The following FBXL5 variants were observed in gnomAD, a reference collection of about 807,000 sequenced individuals.
The protein encoded by FBXL5 is F-box/LRR-repeat protein 5.
FBXL5 carries 26 observed loss-of-function variants against 78.3 expected under a neutral mutation model. That is an observed-to-expected ratio of 0.33 (90% CI 0.24 to 0.46). The LOEUF is 0.46. Ranked by LOEUF, FBXL5 falls within the 20% of genes least tolerant of loss-of-function variation. The probability of loss-of-function intolerance (pLI) is 1.00; values close to 1 mark genes in which losing one functional copy is unlikely to be tolerated. For synonymous variants in FBXL5, 295 were observed against 282.5 expected, an observed-to-expected ratio of 1.04 and a Z score of -0.45; for missense variants, 710 against 829.2, an observed-to-expected ratio of 0.86 and a Z score of 1.77.
chr4:15,655,510 C>A, upstream of FBXL5: 1 of 373,744 alleles, frequency 2.7e-6, no homozygotes, highest in African/African-American at 2.2e-5. Context: ...CGGCTTCTGC[C>A]TCCCGCCCCC....
At chr4:15,606,034 A>T (rs1721864530) in intron 10 of FBXL5, among the ~76,000 whole-genome samples, 1 of 152,218 alleles carries the variant, frequency 6.6e-6, no homozygotes, top group African/African-American at 2.4e-5. Context: ...GGAAAAAAAT[A>T]ATTTTTAGCA....
chr4:15,638,545 C>T lies in FBXL5; in HGVS notation c.546G>A (p.Lys182=), dbSNP rs3182730. The part of the protein sequence containing the change: ...SLWNHAEERQ[K]FFKYSVDEKS... Reference sequence around the variant, plus strand: ...TTTCATCCACGGAATATTTAAAAAACTTCTGTCGCTCTTCAGCATGATTCC... The same window carrying T: ...TTTCATCCACGGAATATTTAAAAAATTTCTGTCGCTCTTCAGCATGATTCC... The change falls in exon 4 of 11, where the codon AAG becomes AAA. Residue 182 remains lysine (K), a synonymous_variant. Coordinates refer to ENST00000341285, the MANE Select transcript of FBXL5 (RefSeq NM_012161.4). 0.14 allele frequency: 221,416 copies of T among 1,595,100 alleles called. 16,411 individuals are homozygous for T. The highest frequency in any genetic ancestry group is 0.15 in the Non-Finnish European group (176,127 of 1,174,142).
At chr4:15,675,075 G>T (rs544773043) in intron 1 of FBXL5, among the ~76,000 whole-genome samples, 2 of 152,118 alleles carry the variant, frequency 1.3e-5, no homozygotes, top group Non-Finnish European at 2.9e-5. Context: ...AACACTTTAT[G>T]CATCAAAACA....
intron 8 of FBXL5, among the ~76,000 whole-genome samples, chr4:15,626,188 C>T (rs1442906334): frequency 1.3e-5 from 2 of 152,074 alleles, no homozygotes; most frequent in Admixed American, 6.5e-5. Flanking sequence ...GTATTCCTAA[C>T]CTAACAGAAG....
At chr4:15,640,014 T>G (rs1479738125) in intron 3 of FBXL5, among the ~76,000 whole-genome samples, 1 of 152,110 alleles carries the variant, frequency 6.6e-6, no homozygotes, top group Non-Finnish European at 1.5e-5. Context: ...CCCTAATACA[T>G]GTACAGTAGG....
At chr4:15,611,144 A>C (rs1722229389) in intron 10 of FBXL5, among the ~76,000 whole-genome samples, 1 of 152,098 alleles carries the variant, frequency 6.6e-6, no homozygotes. Context: ...ACAGAAAACA[A>C]AGAAATGTCC....
At chr4:15,609,519 CTG>C (rs1047059078) in intron 10 of FBXL5, among the ~76,000 whole-genome samples, 17 of 152,120 alleles carry the variant, frequency 1.1e-4, no homozygotes, top group African/African-American at 3.9e-4. Context: ...TCATCTGAGA[CTG>C]TGTCACCTCC....
In FBXL5 at chr4:15,612,462, T is replaced by C. The variant is rs201402786; in HGVS notation, c.1851-48A>G. The C allele has an allele frequency of 1.6e-4, 246 of 1,517,634 alleles. No homozygotes were observed. The African/African-American group carries it at 3.6e-3, about 22-fold the overall frequency. 94.0% of individuals were successfully genotyped at this position (1,517,634 alleles called of 1,614,324 possible). A position where few individuals can be genotyped will look rare whatever the true frequency, so the allele number is the denominator to read the frequency against. On this transcript the variant is annotated intron_variant, in intron 9 of 10. Coordinates refer to ENST00000341285, the MANE Select transcript of FBXL5 (RefSeq NM_012161.4). ...ATTAGAAGATACTAATCTATAAAAA[T>C]GTTTGTATTCCTATGGTTCACTGAA...
At position 15,655,132 on chromosome 4, in the gene FBXL5, C is replaced by T. The variant is rs1244554653; in HGVS notation, c.84+72G>A. 47 of 1,219,342 alleles carry T rather than the reference C, an allele frequency of 3.9e-5. No individual in the cohort carries two copies. The East Asian group carries it at 1.8e-3, about 47-fold the overall frequency. The allele number at this position is 1,219,342 out of a possible 1,614,324, so 75.5% of individuals were successfully genotyped here. A position where few individuals can be genotyped will look rare whatever the true frequency, so the allele number is the denominator to read the frequency against. Reference sequence around the variant, plus strand: ...GCTGCGGGCGCGGCGCAGGCCAGGCCGCCCCAAGAACCCAGCCCGCTCCCC... The same window carrying T: ...GCTGCGGGCGCGGCGCAGGCCAGGCTGCCCCAAGAACCCAGCCCGCTCCCC... On this transcript the variant is annotated intron_variant, in intron 1 of 10. Transcript: ENST00000341285.
intron 1 of FBXL5, among the ~76,000 whole-genome samples, chr4:15,645,122 C>G (rs1715232147): frequency 6.6e-6 from 1 of 151,906 alleles, no homozygotes; most frequent in Non-Finnish European, 1.5e-5. Flanking sequence ...CTACTAACAC[C>G]ATACCTCCTA....
At chr4:15,640,085 G>A (rs191390550) in intron 3 of FBXL5, among the ~76,000 whole-genome samples, 2 of 152,228 alleles carry the variant, frequency 1.3e-5, no homozygotes, top group African/African-American at 4.8e-5. Flanking sequence ...CTGTCACCCA[G>A]GCTGAAGTGC....
chr4:15,659,655 T>C (rs147086764), upstream of FBXL5: 1 of 752,624 alleles, frequency 1.3e-6, no homozygotes, highest in Non-Finnish European at 1.6e-6. Flanking sequence ...TAGTGGTCCA[T>C]AAAGTTTCCT....
At chr4:15,652,687 T>C (rs1716248699) in intron 1 of FBXL5, among the ~76,000 whole-genome samples, 1 of 152,196 alleles carries the variant, frequency 6.6e-6, no homozygotes, top group African/African-American at 2.4e-5. Flanking sequence ...AGCATATAAG[T>C]GGTTTACTTG....
At position 15,644,745 on chromosome 4, in the gene FBXL5, C is replaced by T. The variant is rs186821808; in HGVS notation, c.85-37G>A. On this transcript the variant is annotated intron_variant, in intron 1 of 10. Coordinates refer to ENST00000341285, the MANE Select transcript of FBXL5 (RefSeq NM_012161.4). ...TTTAAAAAGAAAAGTGTAATAAATA[C>T]GTGCAAATATGCACAAATAAAAAAT... 67 of 1,446,924 alleles carry T rather than the reference C, an allele frequency of 4.6e-5. 1 individual carries two copies. The highest frequency in any genetic ancestry group is 3.8e-4 in the East Asian group (16 of 42,410). 89.6% of individuals were successfully genotyped at this position (1,446,924 alleles called of 1,614,324 possible). A position where few individuals can be genotyped will look rare whatever the true frequency, so the allele number is the denominator to read the frequency against.
chr4:15,653,779 T>C (rs188321771), intron 1 of FBXL5, among the ~76,000 whole-genome samples: 101 of 152,342 alleles, frequency 6.6e-4, no homozygotes, highest in African/African-American at 2.3e-3. Flanking sequence ...GCTTAACCAT[T>C]CCTCATGCTT....
At chr4:15,680,233 C>G (rs1291594011) in intron 1 of FBXL5, among the ~76,000 whole-genome samples, 1 of 151,988 alleles carries the variant, frequency 6.6e-6, no homozygotes, top group African/African-American at 2.4e-5. Context: ...AAACAAGAAA[C>G]TAATTTAAAA....
chr4:15,628,772 G>GACACACACACAGACACAC (rs1713321260), intron 6 of FBXL5, among the ~76,000 whole-genome samples: 1 of 140,298 alleles, frequency 7.1e-6, no homozygotes, highest in African/African-American at 2.7e-5. Context: ...GCCAGACACA[G>GACACACACACAGACACAC]ACACACACAC....
At chr4:15,668,042 T>TAAA (rs36082259) in intron 1 of FBXL5, among the ~76,000 whole-genome samples, 1 of 132,476 alleles carries the variant, frequency 7.5e-6, no homozygotes, top group Admixed American at 7.6e-5. Context: ...ACTCTATCTC[T>TAAA]AAAAAAAAAA....
chr4:15,628,065 G>T, intron 6 of FBXL5, 32 bp from the exon 7 acceptor site: 1 of 1,593,180 alleles, frequency 6.3e-7, no homozygotes, highest in South Asian at 1.1e-5. Context: ...CCAAGAACTT[G>T]ATAAACTGAT....
Sources: allele counts gnomAD v4.1 joint callset (sites outside exome capture counted in the v4.1 genomes callset), GRCh38; gene constraint gnomAD v4.1.1; transcripts MANE v1.5; gene names NCBI Gene and HGNC (gene_info 2026-07-23, HGNC 2026-07-21).